The following GRHL2 variants were observed in gnomAD, a reference collection of about 807,000 sequenced individuals.
GRHL2 encodes grainyhead like transcription factor 2.
Under a neutral mutation model 83.8 loss-of-function variants are expected in GRHL2, and 21 were observed. The observed-to-expected ratio is 0.25, with a 90% CI of 0.18 to 0.36. GRHL2 has a LOEUF of 0.36. GRHL2 is among the 10% of genes least tolerant of loss of function. The pLI, the probability that GRHL2 is intolerant of heterozygous loss-of-function variation, is 1.00. For missense variants in GRHL2, 623 were observed against 781.8 expected (o/e 0.80, Z 2.42); for synonymous variants, 280 against 278.9 (o/e 1.00, Z -0.04).
At chr8:101,587,758 G>T (rs1451287139) in intron 7 of GRHL2, among the ~76,000 whole-genome samples, 1 of 152,080 alleles carries the variant, frequency 6.6e-6, no homozygotes, top group East Asian at 1.9e-4. Context: ...AAAACCTAGA[G>T]ATACAATTAG....
chr8:101,520,635 G>A (rs540059044), intron 1 of GRHL2, among the ~76,000 whole-genome samples: 1 of 152,252 alleles, frequency 6.6e-6, no homozygotes, highest in Non-Finnish European at 1.5e-5. Flanking sequence ...TGATCAAGAT[G>A]TTCCCTTCCT....
intron 8 of GRHL2, among the ~76,000 whole-genome samples, chr8:101,609,388 G>C (rs570561106): frequency 1.3e-5 from 2 of 151,058 alleles, no homozygotes; most frequent in East Asian, 3.9e-4. Flanking sequence ...AAACTCTGGG[G>C]GTGAGGCCCT....
intron 4 of GRHL2, among the ~76,000 whole-genome samples, chr8:101,565,912 A>G (rs1811708310): frequency 6.6e-6 from 1 of 152,216 alleles, no homozygotes; most frequent in African/African-American, 2.4e-5. Context: ...AGTAATGACT[A>G]TTTGTCATTA....
chr8:101,619,973 C>A (rs1812932230), intron 9 of GRHL2, among the ~76,000 whole-genome samples: 1 of 150,802 alleles, frequency 6.6e-6, no homozygotes, highest in Non-Finnish European at 1.5e-5. Context: ...TAACAAAAAA[C>A]CATAGACTGG....
intron 14 of GRHL2, among the ~76,000 whole-genome samples, chr8:101,655,497 C>T (rs975926092): frequency 6.6e-6 from 1 of 152,194 alleles, no homozygotes; most frequent in Non-Finnish European, 1.5e-5. Context: ...AGCTGAGTCA[C>T]TTTTCTGGAT....
intron 15 of GRHL2, among the ~76,000 whole-genome samples, chr8:101,665,020 GTTTGGGGTCCC>G (rs1814014350): frequency 6.6e-6 from 1 of 152,176 alleles, no homozygotes; most frequent in African/African-American, 2.4e-5. Flanking sequence ...TGTTCAGTAG[GTTTGGGGTCCC>G]TTCCTAAGTA....
intron 2 of GRHL2, among the ~76,000 whole-genome samples, chr8:101,546,970 G>C (rs1468943662): frequency 1.3e-5 from 2 of 152,222 alleles, no homozygotes; most frequent in African/African-American, 4.8e-5. Context: ...TTCCAAGACT[G>C]TGTGGACTAC....
chr8:101,652,524 G>GTGTGTGTGGTGTGTGTGTGGTGTT (rs1554596870), intron 14 of GRHL2, among the ~76,000 whole-genome samples: 9,455 of 88,246 alleles, frequency 0.11, 1,084 homozygotes, highest in South Asian at 0.2. Context: ...TGTGTGTGGT[G>GTGTGTGTGGTGTGTGTGTGGTGTT]TGTGTGTGGT....
At chr8:101,645,429 G>A (rs1273760318) in intron 13 of GRHL2, among the ~76,000 whole-genome samples, 2 of 152,102 alleles carry the variant, frequency 1.3e-5, no homozygotes, top group African/African-American at 4.8e-5. Flanking sequence ...AGTTCACCAT[G>A]TTAAATATGC....
At chr8:101,576,279 T>C (rs1047443486) in intron 6 of GRHL2, among the ~76,000 whole-genome samples, 1 of 152,194 alleles carries the variant, frequency 6.6e-6, no homozygotes, top group Admixed American at 6.5e-5. Flanking sequence ...AGTGGCATGA[T>C]CACTACTCAT....
chr8:101,525,973 T>C (rs916198963), intron 1 of GRHL2, among the ~76,000 whole-genome samples: 1 of 152,102 alleles, frequency 6.6e-6, no homozygotes, highest in Non-Finnish European at 1.5e-5. Context: ...TTCAGAAAAG[T>C]AAAACCCAAA....
chr8:101,566,544 T>G (rs987567942), intron 4 of GRHL2, among the ~76,000 whole-genome samples: 1 of 148,522 alleles, frequency 6.7e-6, no homozygotes, highest in Non-Finnish European at 1.5e-5. Flanking sequence ...TTTATTATAA[T>G]GTAATAATAT....
chr8:101,579,792 T>G (rs1395212257), intron 7 of GRHL2, among the ~76,000 whole-genome samples: 4 of 152,242 alleles, frequency 2.6e-5, no homozygotes, highest in Non-Finnish European at 5.9e-5. Flanking sequence ...CACCGTCATC[T>G]GCTTTAACTC....
chr8:101,604,212 G>A (rs938649572), intron 8 of GRHL2, among the ~76,000 whole-genome samples: 6 of 151,826 alleles, frequency 4.0e-5, no homozygotes, highest in Non-Finnish European at 7.4e-5. Context: ...CCCAAACACC[G>A]ATACCTAAGA....
chr8:101,600,401 C>T (rs751188490), intron 8 of GRHL2, among the ~76,000 whole-genome samples: 7 of 152,254 alleles, frequency 4.6e-5, no homozygotes, highest in Admixed American at 1.3e-4. Context: ...TGTTAACCTC[C>T]TCGGCTACCC....
At chr8:101,587,927 G>T (rs777264440) in intron 7 of GRHL2, among the ~76,000 whole-genome samples, 10 of 152,132 alleles carry the variant, frequency 6.6e-5, no homozygotes, top group Non-Finnish European at 1.5e-4. Flanking sequence ...CAAATTTAAA[G>T]TTTTTCTTCC....
chr8:101,609,225 G>A (rs4507732), intron 8 of GRHL2, among the ~76,000 whole-genome samples: 20,611 of 149,538 alleles, frequency 0.14, 1,941 homozygotes, highest in African/African-American at 0.16. Flanking sequence ...GAAGGGGAAG[G>A]AGAACGAAGA....
chr8:101,504,482 C>G (rs1443881855), intron 1 of GRHL2, among the ~76,000 whole-genome samples: 1 of 152,100 alleles, frequency 6.6e-6, no homozygotes, highest in East Asian at 1.9e-4. Context: ...CAAACTCTCT[C>G]GAGGCAAACC....
chr8:101,492,546 C>A lies in GRHL2; in HGVS notation c.-224C>A. 1 of 633,406 alleles carries A rather than the reference C, an allele frequency of 1.6e-6. No homozygotes were observed. 39.2% of individuals were successfully genotyped at this position (633,406 alleles called of 1,614,324 possible). ...CGCCCGGCCGCCTCCGAGCTCGGGC[C>A]CCATGTGAGGGGCCCCCCCTTATCC... is the stretch of plus-strand genomic sequence containing the variant. On this transcript the variant is annotated 5_prime_UTR_variant, in exon 1 of 16. Coordinates refer to ENST00000646743, the MANE Select transcript of GRHL2 (RefSeq NM_024915.4).
Sources: allele counts gnomAD v4.1 joint callset (sites outside exome capture counted in the v4.1 genomes callset), GRCh38; gene constraint gnomAD v4.1.1; transcripts MANE v1.5; gene names NCBI Gene and HGNC (gene_info 2026-07-23, HGNC 2026-07-21).